KLF3: variants seen among roughly 807,000 people sequenced by gnomAD.
The protein encoded by KLF3 is KLF transcription factor 3.
KLF3 carries 6 observed loss-of-function variants against 32.7 expected under a neutral mutation model. The ratio of observed to expected loss-of-function variants is 0.18; its 90% confidence interval spans 0.10 to 0.36. The LOEUF is 0.36. Ranked by LOEUF, KLF3 falls within the 10% of genes least tolerant of loss-of-function variation. The pLI is 1.00. For synonymous variants in KLF3, 145 were observed against 172.8 expected, an observed-to-expected ratio of 0.84 and a Z score of 1.26; for missense variants, 338 against 449.7, an observed-to-expected ratio of 0.75 and a Z score of 2.25.
chr4:38,695,941 A>G (rs1723032636), intron 5 of KLF3, among the ~76,000 whole-genome samples: 1 of 152,192 alleles, frequency 6.6e-6, no homozygotes, highest in South Asian at 2.1e-4. Context: ...AGAAAAGGGA[A>G]GGAAAGTGGC....
At chr4:38,669,050 T>TA (rs886126434) in intron 1 of KLF3, among the ~76,000 whole-genome samples, 1 of 152,228 alleles carries the variant, frequency 6.6e-6, no homozygotes, top group Admixed American at 6.5e-5. Flanking sequence ...ATTTTTGCTA[T>TA]AAAACGACAG....
At chr4:38,696,561 A>G (rs978366212) in intron 5 of KLF3, among the ~76,000 whole-genome samples, 4 of 152,238 alleles carry the variant, frequency 2.6e-5, no homozygotes, top group Admixed American at 2.0e-4. Flanking sequence ...CCTGAATTAA[A>G]GCATTATACT....
rs5029114 is a variant in KLF3, at chr4:38,701,384, A to G, written c.*4121A>G. 0.87 allele frequency among the ~76,000 whole-genome samples: 131,919 copies of G among 152,266 alleles called. 57,841 individuals carry two copies. The highest frequency in any genetic ancestry group is 0.97 in the African/African-American group (40,247 of 41,556). ...CCTGCTTCCAAAAAGAACTTGCAGCATTTTGTATTAAAAGACGCATGTGTA... is the reference window on the plus strand; with the variant it reads ...CCTGCTTCCAAAAAGAACTTGCAGCGTTTTGTATTAAAAGACGCATGTGTA... On this transcript the variant is annotated 3_prime_UTR_variant, in exon 6 of 6. Coordinates refer to ENST00000261438, the MANE Select transcript of KLF3 (RefSeq NM_016531.6).
At chr4:38,689,615 A>G in intron 3 of KLF3, 114 bp from the exon 4 acceptor site, 1 of 744,738 alleles carries the variant, frequency 1.3e-6, no homozygotes, top group Non-Finnish European at 2.2e-6. Flanking sequence ...ATAGTCTGCC[A>G]AAGGCAAATA....
chr4:38,679,491 T>C (rs896522379), intron 1 of KLF3, among the ~76,000 whole-genome samples: 3 of 152,166 alleles, frequency 2.0e-5, no homozygotes, highest in African/African-American at 7.2e-5. Flanking sequence ...ATCAGGCGCT[T>C]TGGGAAATGT....
At position 38,697,449 on chromosome 4, in the gene KLF3, C is replaced by G. The variant is rs116518864; in HGVS notation, c.*186C>G. The G allele has an allele frequency of 5.5e-4, 279 of 507,238 alleles. 1 individual carries two copies. The highest frequency in any genetic ancestry group is 5.0e-3 in the African/African-American group (257 of 51,516). The allele number at this position is 507,238 out of a possible 1,614,324, so 31.4% of individuals were successfully genotyped here. Reference sequence around the variant, plus strand: ...GTAGATGTTCTCTAATCCTCCCTCTCCTTACCACGGGTCAGACCTAAAGAA... The same window carrying G: ...GTAGATGTTCTCTAATCCTCCCTCTGCTTACCACGGGTCAGACCTAAAGAA... On this transcript the variant is annotated 3_prime_UTR_variant, in exon 6 of 6. Transcript: ENST00000261438.
rs147433446 is a variant in KLF3 at position 38,670,779 on chromosome 4, C to T, written c.-40+6318C>T. ...TTTCCATGTAGGACACCTGGTGTAC[C>T]ATCATTCCAGGGCCCTTGCCCTTAA... On this transcript the variant is annotated intron_variant, in intron 1 of 5. Transcript: ENST00000261438. Among the ~76,000 whole-genome samples the T allele has an allele frequency of 2.4e-3, 363 of 152,344 alleles. 3 individuals carry two copies. Among genetic ancestry groups the T allele is most frequent in the Middle Eastern group, 0.02 (6 of 294 alleles).
rs772649026 is a variant in KLF3 at position 38,689,005 on chromosome 4, C to T, written c.478C>T (p.His160Tyr). ...GCCCGTCCCCTTTATGTACACAAGT[C>T]ACCTCCAGCAGCCTCTCATGGTCTC... ...VQPVPFMYTS[H>Y]LQQPLMVSLS... The change falls in exon 3 of 6, where the codon CAC becomes TAC. Residue 160 changes from histidine (H) to tyrosine (Y), a missense_variant. His to Tyr is a moderately conservative substitution (Grantham distance 83). Around this residue, in one of 2 missense-constraint regions of KLF3, gnomAD observed 272 missense variants for 313.4 expected, o/e 0.87. Coordinates refer to ENST00000261438, the MANE Select transcript of KLF3 (RefSeq NM_016531.6). The T allele has an allele frequency of 1.9e-6, 3 of 1,614,242 alleles. No homozygotes were observed. The highest frequency in any genetic ancestry group is 3.3e-5 in the Admixed American group (2 of 60,028).
chr4:38,667,536 T>G (rs1468710203), intron 1 of KLF3, among the ~76,000 whole-genome samples: 1 of 152,238 alleles, frequency 6.6e-6, no homozygotes, highest in Non-Finnish European at 1.5e-5. Context: ...ATAAATGCTT[T>G]TACCTTTTTA....
intron 1 of KLF3, among the ~76,000 whole-genome samples, chr4:38,672,994 G>C (rs1722243610): frequency 6.6e-6 from 1 of 152,130 alleles, no homozygotes; most frequent in Admixed American, 6.5e-5. Flanking sequence ...GGAGGGGTAG[G>C]GTTGGTTTGG....
At chr4:38,686,463 A>G (rs1215876902) in intron 2 of KLF3, among the ~76,000 whole-genome samples, 2 of 144,860 alleles carry the variant, frequency 1.4e-5, no homozygotes, top group East Asian at 2.0e-4. Flanking sequence ...AAAAAAAAAA[A>G]GAAAAGAAAA....
chr4:38,685,388 C>T (rs1183439465), intron 2 of KLF3, among the ~76,000 whole-genome samples: 1 of 152,180 alleles, frequency 6.6e-6, no homozygotes, highest in East Asian at 1.9e-4. Context: ...TTACAATAAT[C>T]GCACATCCAA....
rs377094028 is a variant in KLF3, at chr4:38,697,526, A to G, written c.*263A>G. ...GGGATGCTAAGCAAACCCTTCTTAC[A>G]GATACGTTTAATGTAATAAGAACAA... On this transcript the variant is annotated 3_prime_UTR_variant, in exon 6 of 6. Transcript: ENST00000261438. 3.1e-4 allele frequency: 114 copies of G among 365,134 alleles called. No individual in the cohort carries two copies. The highest frequency in any genetic ancestry group is 2.1e-3 in the African/African-American group (102 of 48,140). The allele number at this position is 365,134 out of a possible 1,614,324, so 22.6% of individuals were successfully genotyped here.
intron 4 of KLF3, among the ~76,000 whole-genome samples, chr4:38,692,346 C>T (rs368783078): frequency 2.2e-4 from 34 of 152,260 alleles, no homozygotes; most frequent in East Asian, 1.5e-3. Flanking sequence ...TTCAGAGATG[C>T]GGCAGGTTAA....
intron 3 of KLF3, among the ~76,000 whole-genome samples, 154 bp from the exon 4 acceptor site, chr4:38,689,575 G>T (rs1722815310): frequency 6.6e-6 from 1 of 152,180 alleles, no homozygotes; most frequent in African/African-American, 2.4e-5. Context: ...GTCAGGAGAG[G>T]TGAGAATCTC....
At chr4:38,693,609 A>G (rs1161454172) in intron 4 of KLF3, among the ~76,000 whole-genome samples, 2 of 152,060 alleles carry the variant, frequency 1.3e-5, no homozygotes, top group African/African-American at 4.8e-5. Flanking sequence ...TTTCTCCTCA[A>G]ACACTTAGGC....
At chr4:38,689,493 A>G (rs780987511) in intron 3 of KLF3, among the ~76,000 whole-genome samples, 1 of 152,256 alleles carries the variant, frequency 6.6e-6, no homozygotes, top group Non-Finnish European at 1.5e-5. Flanking sequence ...CAGAATTATA[A>G]GAACGAATCA....
rs1481731939 is a variant in KLF3, at chr4:38,698,949, A to G, written c.*1686A>G. The stretch of plus-strand genomic sequence containing the variant: ...ACACAACTTTAACTGGGAGGAATAC[A>G]TTGTTTGATCATTTTTAAAACATCT... On this transcript the variant is annotated 3_prime_UTR_variant, in exon 6 of 6. Coordinates refer to ENST00000261438, the MANE Select transcript of KLF3 (RefSeq NM_016531.6). 3.3e-5 allele frequency: 5 copies of G among 152,222 alleles called. No individual in the cohort carries two copies. The highest frequency in any genetic ancestry group is 9.6e-5 in the African/African-American group (4 of 41,452). The allele number at this position is 152,222 out of a possible 1,614,324, so 9.4% of individuals were successfully genotyped here. A position where few individuals can be genotyped will look rare whatever the true frequency, so the allele number is the denominator to read the frequency against.
rs767856332 is a variant in KLF3 at position 38,688,629 on chromosome 4, T to C, written c.102T>C (p.Tyr34=). 2 of 1,613,810 alleles carry C rather than the reference T, an allele frequency of 1.2e-6. No individual in the cohort carries two copies. Among genetic ancestry groups the C allele is most frequent in the Non-Finnish European group, 1.7e-6 (2 of 1,179,706 alleles). The change falls in exon 3 of 6, where the codon TAT becomes TAC. Residue 34 remains tyrosine (Y), a synonymous_variant. Coordinates refer to ENST00000261438, the MANE Select transcript of KLF3 (RefSeq NM_016531.6). The surrounding 1 kb of genome is among the most constrained non-coding windows in gnomAD (Gnocchi z 4.9). ...NYMESMKPNK[Y]GVIYSTPLPE... is the part of the protein sequence containing the mutation. ...TGGAATCCATGAAGCCTAACAAGTA[T>C]GGGGTCATCTACTCCACACCATTGC...
Sources: allele counts gnomAD v4.1 joint callset (sites outside exome capture counted in the v4.1 genomes callset), GRCh38; gene constraint gnomAD v4.1.1; regional missense constraint gnomAD v4.1.1; non-coding constraint Gnocchi (gnomAD v3.1); transcripts MANE v1.5; gene names NCBI Gene and HGNC (gene_info 2026-07-23, HGNC 2026-07-21).